The following PATJ variants were observed in gnomAD, a reference collection of about 807,000 sequenced individuals.
PATJ encodes PATJ crumbs cell polarity complex component, also known as inaD-like protein.
Under a neutral mutation model 224.9 loss-of-function variants are expected in PATJ, and 190 were observed. That is an observed-to-expected ratio of 0.84 (90% CI 0.75 to 0.95). The LOEUF (loss-of-function observed/expected upper bound fraction) is 0.95, where lower values mean the gene tolerates loss of function less well. Ranked by LOEUF, PATJ falls within the 40% of genes least tolerant of loss-of-function variation. The probability of loss-of-function intolerance (pLI) is 0.00; values close to 1 mark genes in which losing one functional copy is unlikely to be tolerated. For synonymous variants in PATJ, 769 were observed against 820.3 expected, an observed-to-expected ratio of 0.94 and a Z score of 1.07; for missense variants, 2,121 against 2,270.3, an observed-to-expected ratio of 0.93 and a Z score of 1.34.
chr1:61,965,399 G>T (rs555964186), intron 27 of PATJ, among the ~76,000 whole-genome samples: 8 of 152,130 alleles, frequency 5.3e-5, no homozygotes, highest in African/African-American at 1.9e-4. Flanking sequence ...GATGTTATTT[G>T]CATTTGAATA....
intron 7 of PATJ, among the ~76,000 whole-genome samples, chr1:61,783,986 C>CAAACAA (rs958037694): frequency 6.6e-4 from 101 of 151,966 alleles, no homozygotes; most frequent in African/African-American, 2.2e-3. Context: ...GACTCCCTCT[C>CAAACAA]AAACAAAAAC....
chr1:62,070,508 A>G (rs933725740), intron 31 of PATJ, among the ~76,000 whole-genome samples: 2 of 152,244 alleles, frequency 1.3e-5, no homozygotes, highest in South Asian at 4.1e-4. Flanking sequence ...GACAAAGTCG[A>G]TCATATTAAG....
chr1:62,092,818 TA>T (rs1317471089), intron 33 of PATJ, among the ~76,000 whole-genome samples: 9 of 151,914 alleles, frequency 5.9e-5, no homozygotes, highest in African/African-American at 2.2e-4. Context: ...CTTGGCTCAC[TA>T]CGGCCTCCGC....
intron 16 of PATJ, among the ~76,000 whole-genome samples, chr1:61,832,776 T>C (rs541620189): frequency 6.6e-6 from 1 of 152,216 alleles, no homozygotes; most frequent in African/African-American, 2.4e-5. Context: ...CAGATAGAAG[T>C]TTAGAGTATT....
chr1:62,139,731 G>C (rs1667306660), intron 41 of PATJ, among the ~76,000 whole-genome samples: 1 of 151,896 alleles, frequency 6.6e-6, no homozygotes, highest in Admixed American at 6.6e-5. Flanking sequence ...GGATTTCTTA[G>C]AGCTGTAAAG....
At chr1:62,130,276 G>A (rs145919063) in intron 41 of PATJ, among the ~76,000 whole-genome samples, 1 of 152,360 alleles carries the variant, frequency 6.6e-6, no homozygotes, top group East Asian at 1.9e-4. Context: ...GGAGGCTACA[G>A]TGAGCCAGTA....
intron 33 of PATJ, among the ~76,000 whole-genome samples, chr1:62,094,558 AACACACACACACACACACACACACAC>A (rs58104906): frequency 9.8e-5 from 13 of 132,538 alleles, no homozygotes; most frequent in Admixed American, 3.2e-4. Flanking sequence ...ATTCTGTCTC[AACACACACACACACACACACACACAC>A]ACACACACAC....
chr1:61,820,115 C>T (rs564112967), intron 14 of PATJ, among the ~76,000 whole-genome samples: 46 of 151,998 alleles, frequency 3.0e-4, no homozygotes, highest in Non-Finnish European at 6.5e-4. Flanking sequence ...AATCTCGGCT[C>T]ACTGCAACCT....
At position 61,843,694 on chromosome 1, in the gene PATJ, T is replaced by C. The variant is rs560720577; in HGVS notation, c.2112+9909T>C. 2.1e-3 allele frequency among the ~76,000 whole-genome samples: 315 copies of C among 146,796 alleles called. 1 individual carries two copies. Among genetic ancestry groups the C allele is most frequent in the African/African-American group, 7.4e-3 (291 of 39,268 alleles). ...GCGATCACACCACTGCACTTCAGCC[T>C]GGGTGACAGAGTGAGATCAGGTCTC... is the stretch of plus-strand genomic sequence containing the variant. On this transcript the variant is annotated intron_variant, in intron 17 of 43. Transcript: ENST00000642238.
chr1:61,979,967 C>T (rs1056679386), intron 27 of PATJ, among the ~76,000 whole-genome samples: 3 of 152,022 alleles, frequency 2.0e-5, no homozygotes, highest in Non-Finnish European at 4.4e-5. Flanking sequence ...GGTCTTATCA[C>T]CTGCTTCAGG....
At chr1:61,997,988 A>ATTTATATATATTAAT (rs1558014370) in intron 28 of PATJ, among the ~76,000 whole-genome samples, 4 of 106,400 alleles carry the variant, frequency 3.8e-5, no homozygotes, top group African/African-American at 1.2e-4. Flanking sequence ...CAGCTTATAT[A>ATTTATATATATTAAT]TGTATATATA....
intron 17 of PATJ, among the ~76,000 whole-genome samples, chr1:61,848,436 G>A (rs956505151): frequency 3.9e-5 from 6 of 152,064 alleles, no homozygotes; most frequent in African/African-American, 1.2e-4. Context: ...AGCTTGTGCC[G>A]ATCACTGTTT....
chr1:61,829,516 C>G (rs139731098), intron 16 of PATJ, among the ~76,000 whole-genome samples: 16 of 152,342 alleles, frequency 1.1e-4, no homozygotes, highest in African/African-American at 3.8e-4. Flanking sequence ...TGGTGAACAA[C>G]AGCTTTGAAT....
chr1:62,070,272 C>G (rs1327854753), intron 31 of PATJ, among the ~76,000 whole-genome samples: 2 of 152,130 alleles, frequency 1.3e-5, no homozygotes, highest in Non-Finnish European at 2.9e-5. Flanking sequence ...CTAAAAATTC[C>G]CATGAGCCTT....
At chr1:61,979,625 C>T (rs560072420) in intron 27 of PATJ, among the ~76,000 whole-genome samples, 1 of 148,296 alleles carries the variant, frequency 6.7e-6, no homozygotes, top group Non-Finnish European at 1.5e-5. Flanking sequence ...TGCACTCCAG[C>T]CTGGCGACAG....
At chr1:61,993,479 G>A (rs1645180355) in intron 28 of PATJ, among the ~76,000 whole-genome samples, 4 of 152,150 alleles carry the variant, frequency 2.6e-5, no homozygotes, top group African/African-American at 4.8e-5. Flanking sequence ...CCTGAGGGTC[G>A]GAACTGAACA....
intron 14 of PATJ, among the ~76,000 whole-genome samples, chr1:61,810,751 G>C (rs1654592970): frequency 6.6e-6 from 1 of 150,734 alleles, no homozygotes; most frequent in Non-Finnish European, 1.5e-5. Flanking sequence ...AATAAACCCA[G>C]TCTGTACTAA....
chr1:61,796,611 C>G (rs1446497303), intron 10 of PATJ, among the ~76,000 whole-genome samples: 1 of 152,094 alleles, frequency 6.6e-6, no homozygotes, highest in African/African-American at 2.4e-5. Context: ...GCATGTTTTA[C>G]TAGTTTTACA....
At chr1:62,123,785 T>A (rs1254077936) in intron 39 of PATJ, among the ~76,000 whole-genome samples, 1 of 113,180 alleles carries the variant, frequency 8.8e-6, no homozygotes, top group Non-Finnish European at 1.7e-5. Context: ...CCAAATGTGC[T>A]ATAAGTTTCT....
Sources: allele counts gnomAD v4.1 joint callset (sites outside exome capture counted in the v4.1 genomes callset), GRCh38; gene constraint gnomAD v4.1.1; transcripts MANE v1.5; gene names NCBI Gene and HGNC (gene_info 2026-07-23, HGNC 2026-07-21).